Variants in SORCS3 observed in about 807,000 individuals in gnomAD.
SORCS3 encodes the protein VPS10 domain-containing receptor SorCS3.
SORCS3 carries 57 observed loss-of-function variants against 146.3 expected under a neutral mutation model. That is an observed-to-expected ratio of 0.39 (90% CI 0.31 to 0.49). The LOEUF (loss-of-function observed/expected upper bound fraction) is 0.49. Among genes scored for constraint, SORCS3 ranks in the 20% least tolerant of loss-of-function variants. The pLI is 0.92. For missense variants in SORCS3, 1,341 were observed against 1,575.5 expected, an observed-to-expected ratio of 0.85 and a Z score of 2.52; for synonymous variants, 653 against 618.5, an observed-to-expected ratio of 1.06 and a Z score of -0.83.
intron 4 of SORCS3, among the ~76,000 whole-genome samples, chr10:104,995,739 A>G (rs2055023216): frequency 6.6e-6 from 1 of 152,160 alleles, no homozygotes; most frequent in South Asian, 2.1e-4. Context: ...GTGTCTCTCA[A>G]TGAAGAGAAG....
chr10:104,926,660 G>C (rs1030451497), intron 3 of SORCS3, among the ~76,000 whole-genome samples: 16 of 152,214 alleles, frequency 1.1e-4, no homozygotes, highest in Non-Finnish European at 1.8e-4. Flanking sequence ...CCCAGCAATG[G>C]AATGGCTGCG....
chr10:104,663,923 A>C (rs1356035470), intron 1 of SORCS3, among the ~76,000 whole-genome samples: 1 of 152,082 alleles, frequency 6.6e-6, no homozygotes, highest in Non-Finnish European at 1.5e-5. Flanking sequence ...CTGAATGTGC[A>C]TGCTGCCTGC....
At chr10:105,074,201 G>A (rs1202492204) in intron 5 of SORCS3, among the ~76,000 whole-genome samples, 30 of 152,142 alleles carry the variant, frequency 2.0e-4, no homozygotes, top group Non-Finnish European at 5.9e-5. Flanking sequence ...AAGCCTGCAC[G>A]GTGCATCACC....
At chr10:105,162,764 G>A (rs1250412284) in intron 11 of SORCS3, among the ~76,000 whole-genome samples, 1 of 152,138 alleles carries the variant, frequency 6.6e-6, no homozygotes, top group Non-Finnish European at 1.5e-5. Flanking sequence ...AGGAAGGTGA[G>A]GGATGATAAG....
At chr10:105,106,636 G>A (rs780730899) in intron 7 of SORCS3, among the ~76,000 whole-genome samples, 9 of 152,122 alleles carry the variant, frequency 5.9e-5, no homozygotes, top group East Asian at 1.9e-4. Context: ...TGTAGGCATC[G>A]CAGTTACTTC....
At chr10:105,152,971 T>C (rs779996174) in intron 9 of SORCS3, among the ~76,000 whole-genome samples, 11 of 152,168 alleles carry the variant, frequency 7.2e-5, no homozygotes, top group Non-Finnish European at 1.3e-4. Context: ...AGGTATAATT[T>C]ATGTATAGTA....
chr10:105,108,447 T>A (rs2055837526), intron 7 of SORCS3, among the ~76,000 whole-genome samples: 1 of 152,158 alleles, frequency 6.6e-6, no homozygotes. Context: ...AGTATATTGG[T>A]GGCATTTCTT....
intron 7 of SORCS3, among the ~76,000 whole-genome samples, chr10:105,130,583 T>TAC (rs199760989): frequency 6.6e-6 from 1 of 151,962 alleles, no homozygotes; most frequent in Non-Finnish European, 1.5e-5. Flanking sequence ...GCATCTCCCC[T>TAC]ACACACACAC....
chr10:105,109,618 C>T (rs181931586), intron 7 of SORCS3, among the ~76,000 whole-genome samples: 292 of 152,126 alleles, frequency 1.9e-3, no homozygotes, highest in African/African-American at 6.8e-3. Flanking sequence ...ATGTATGTGT[C>T]ATCCTCTTTC....
intron 2 of SORCS3, among the ~76,000 whole-genome samples, chr10:104,890,715 T>C (rs1275697757): frequency 6.6e-6 from 1 of 152,218 alleles, no homozygotes; most frequent in Non-Finnish European, 1.5e-5. Context: ...AATATTGACA[T>C]TTTTCAGTGG....
chr10:104,968,631 T>A (rs2054840909), intron 3 of SORCS3, among the ~76,000 whole-genome samples: 1 of 152,148 alleles, frequency 6.6e-6, no homozygotes, highest in South Asian at 2.1e-4. Flanking sequence ...AAAATTAAAA[T>A]CTCTAGTGGG....
rs1471548900 is a variant in SORCS3, at chr10:105,168,183, G to A, written c.1901+834G>A. Among the ~76,000 whole-genome samples the A allele has an allele frequency of 5.3e-5, 8 of 151,878 alleles. No individual in the cohort carries two copies. The South Asian group carries it at 8.3e-4, about 16-fold the overall frequency. On this transcript the variant is annotated intron_variant, in intron 13 of 26. Coordinates refer to ENST00000369701, the MANE Select transcript of SORCS3 (RefSeq NM_014978.3). The stretch of plus-strand genomic sequence containing the variant: ...GTTAGACTATAATAGATTTATAAAC[G>A]AATGAGCTACTGAATGGATGATAAG...
intron 1 of SORCS3, among the ~76,000 whole-genome samples, chr10:104,783,655 A>C (rs897898403): frequency 3.9e-5 from 6 of 152,260 alleles, no homozygotes; most frequent in Admixed American, 3.9e-4. Context: ...TGAACCCAGG[A>C]GGTGGAGGTT....
chr10:104,890,779 C>T (rs1272053658), intron 2 of SORCS3, among the ~76,000 whole-genome samples: 1 of 152,126 alleles, frequency 6.6e-6, no homozygotes, highest in Non-Finnish European at 1.5e-5. Context: ...TAGCAGAATT[C>T]CTGTCCTCCA....
chr10:105,037,572 T>C (rs1430036445), intron 4 of SORCS3, among the ~76,000 whole-genome samples: 1 of 152,176 alleles, frequency 6.6e-6, no homozygotes, highest in Non-Finnish European at 1.5e-5. Context: ...TCCTCCATCT[T>C]CTCATGGAGT....
chr10:104,842,280 A>T lies in SORCS3; in HGVS notation c.628-512A>T, dbSNP rs1012525511. ...ATGTTGGGGAAGTAGGCCTGTCTGC[A>T]TTCAGGTATTTATGCCTGCCAAGGC... On this transcript the variant is annotated intron_variant, in intron 1 of 26. Transcript: ENST00000369701. Among the ~76,000 whole-genome samples the T allele has an allele frequency of 4.6e-5, 7 of 152,232 alleles. No individual in the cohort carries two copies. In the South Asian group the frequency reaches 1.0e-3, roughly 23 times the overall value.
chr10:104,991,097 C>T (rs1227361405), intron 4 of SORCS3, among the ~76,000 whole-genome samples: 3 of 152,234 alleles, frequency 2.0e-5, no homozygotes, highest in African/African-American at 2.4e-5. Flanking sequence ...GACCCAGAGA[C>T]GGTGCATCCA....
At chr10:104,760,046 G>T (rs917818591) in intron 1 of SORCS3, among the ~76,000 whole-genome samples, 1 of 152,196 alleles carries the variant, frequency 6.6e-6, no homozygotes, top group Admixed American at 6.5e-5. Context: ...AACAGGAGTC[G>T]GTCATGCAAA....
chr10:104,896,490 G>A (rs1352717307), intron 2 of SORCS3, among the ~76,000 whole-genome samples: 2 of 152,228 alleles, frequency 1.3e-5, no homozygotes, highest in Non-Finnish European at 2.9e-5. Context: ...AAGTGTGAGT[G>A]CAGATTTCGA....
Sources: allele counts gnomAD v4.1 joint callset (sites outside exome capture counted in the v4.1 genomes callset), GRCh38; gene constraint gnomAD v4.1.1; transcripts MANE v1.5; gene names NCBI Gene and HGNC (gene_info 2026-07-23, HGNC 2026-07-21).